Variants in BCLAF1 observed in about 807,000 individuals in gnomAD.
BCLAF1 encodes the protein bcl-2-associated transcription factor 1.
BCLAF1 carries 10 observed loss-of-function variants against 99.5 expected under a neutral mutation model. The ratio of observed to expected loss-of-function variants is 0.10; its 90% CI spans 0.06 to 0.17. BCLAF1 has a LOEUF of 0.17. Among genes scored for constraint, BCLAF1 ranks in the 10% least tolerant of loss-of-function variants. BCLAF1 has a pLI of 1.00. For synonymous variants in BCLAF1, 255 were observed against 370.9 expected, an observed-to-expected ratio of 0.69 and a Z score of 3.59; for missense variants, 636 against 1,105.8, an observed-to-expected ratio of 0.58 and a Z score of 6.02.
At chr6:136,265,840 T>C (rs1301759092) in intron 11 of BCLAF1, among the ~76,000 whole-genome samples, 1 of 152,188 alleles carries the variant, frequency 6.6e-6, no homozygotes, top group East Asian at 1.9e-4. Flanking sequence ...AGTCTCTAAG[T>C]CAAAAATTAG....
At chr6:136,268,572 T>A in intron 9 of BCLAF1, 1 of 425,880 alleles carries the variant, frequency 2.3e-6, no homozygotes, top group Non-Finnish European at 4.2e-6. Context: ...AAAATAGTAG[T>A]CTGTAAAGGT....
At chr6:136,264,380 T>G (rs890522159) in intron 11 of BCLAF1, among the ~76,000 whole-genome samples, 1 of 151,654 alleles carries the variant, frequency 6.6e-6, no homozygotes, top group Non-Finnish European at 1.5e-5. Flanking sequence ...CTAATTTTCG[T>G]TTTTTTTGTA....
chr6:136,277,924 G>A lies in BCLAF1; in HGVS notation c.957C>T (p.Ser319=), dbSNP rs1783667132. 12 of 1,569,150 alleles carry A rather than the reference G, an allele frequency of 7.6e-6. No individual in the cohort carries two copies. In the Admixed American group the frequency reaches 1.2e-4, roughly 16 times the overall value. ...GATCTCCACCATCAGGATAAAACGA[G>A]GAACGGCCCCTAGACTCATCTCTTG... ...NAPRDESRGR[S]SFYPDGGDQE... is the part of the protein sequence containing the mutation. Residue 319 remains serine (S), a synonymous_variant, in exon 4 of 13, where the codon TCC becomes TCT. Coordinates refer to ENST00000531224, the MANE Select transcript of BCLAF1 (RefSeq NM_014739.3).
intron 11 of BCLAF1, among the ~76,000 whole-genome samples, chr6:136,263,190 A>G (rs1345336442): frequency 6.6e-6 from 1 of 152,214 alleles, no homozygotes; most frequent in Non-Finnish European, 1.5e-5. Context: ...TAACTTGCCC[A>G]AGGTCACAGA....
chr6:136,279,735 T>C, intron 3 of BCLAF1, 28 bp downstream of exon 3: 1 of 1,511,148 alleles, frequency 6.6e-7, no homozygotes, highest in Non-Finnish European at 8.8e-7. Flanking sequence ...ATATAATTAT[T>C]TTAAAAATTT....
intron 11 of BCLAF1, among the ~76,000 whole-genome samples, chr6:136,262,249 A>G (rs7771295): frequency 0.017 from 2,572 of 152,284 alleles, 70 homozygotes; most frequent in African/African-American, 0.057. Context: ...TTATATTCAT[A>G]CAAAAGGCCA....
chr6:136,278,261 G>A lies in BCLAF1; in HGVS notation c.620C>T (p.Ala207Val), dbSNP rs1417252597. The change falls in exon 4 of 13, where the codon GCC becomes GTC. Residue 207 changes from alanine to valine, a missense_variant. Ala to Val is a moderately conservative substitution (Grantham distance 64). Around this residue, in one of 9 missense-constraint regions of BCLAF1, gnomAD observed 65 missense variants for 90.9 expected, o/e 0.71. Coordinates refer to ENST00000531224, the MANE Select transcript of BCLAF1 (RefSeq NM_014739.3). ...GCCAGGCCAAATATCACCGGATGTG[G>A]CTGATGACTTATTAAATTCATCGAT... ...ESIDEFNKSS[A>V]TSGDIWPGLS... is the part of the protein sequence containing the mutation. The A allele has an allele frequency of 6.2e-6, 10 of 1,614,042 alleles. No individual in the cohort carries two copies. Among genetic ancestry groups the A allele is most frequent in the Non-Finnish European group, 8.5e-7 (1 of 1,180,028 alleles).
intron 1 of BCLAF1, among the ~76,000 whole-genome samples, chr6:136,284,287 T>C (rs1396871512): frequency 6.6e-6 from 1 of 151,814 alleles, no homozygotes; most frequent in Non-Finnish European, 1.5e-5. Context: ...TGGATATACA[T>C]TCCTGTTCAC....
chr6:136,261,186 G>A (rs1780925760), intron 12 of BCLAF1, 71 bp from the exon 13 acceptor site: 1 of 1,562,334 alleles, frequency 6.4e-7, no homozygotes, highest in South Asian at 1.2e-5. Flanking sequence ...ATTAATAATT[G>A]TTCCTAAAAA....
intron 6 of BCLAF1, 53 bp from the exon 7 acceptor site, chr6:136,273,240 ATTTG>A (rs1782793804): frequency 2.0e-6 from 3 of 1,504,158 alleles, no homozygotes; most frequent in Middle Eastern, 1.7e-4. Flanking sequence ...TTTAAGAGAG[ATTTG>A]TTTGTGACAG....
In BCLAF1 at chr6:136,282,317, T is replaced by A. The variant is rs372497862; in HGVS notation, c.-11+267A>T. Among the ~76,000 whole-genome samples, 4 of 152,188 alleles carry A rather than the reference T, an allele frequency of 2.6e-5. No homozygotes were observed. The East Asian group carries it at 5.8e-4, about 22-fold the overall frequency. The stretch of plus-strand genomic sequence containing the variant: ...AGGGAAATGGGTTAAGTAGCAGTCT[T>A]TCTATCTTGTATGTCCTGAGTCTTT... On this transcript the variant is annotated intron_variant, in intron 2 of 12. Coordinates refer to ENST00000531224, the MANE Select transcript of BCLAF1 (RefSeq NM_014739.3).
rs982315846 is a variant in BCLAF1, at chr6:136,279,749, G to A, written c.104+14C>T. On this transcript the variant is annotated intron_variant, in intron 3 of 12. Transcript: ENST00000531224. ...GATATAATTATTTTAAAAATTTAAA[G>A]CACATTAAATCACCTGTATCGCTTC... The A allele has an allele frequency of 2.0e-6, 3 of 1,537,110 alleles. No individual in the cohort carries two copies. The Admixed American group carries it at 5.9e-5, about 30-fold the overall frequency.
intron 6 of BCLAF1, among the ~76,000 whole-genome samples, chr6:136,273,781 G>A (rs1038048316): frequency 1.3e-5 from 2 of 151,942 alleles, no homozygotes; most frequent in Non-Finnish European, 2.9e-5. Flanking sequence ...TGATATTGCT[G>A]TTTTGTCTCT....
At position 136,278,161 on chromosome 6, in the gene BCLAF1, T is replaced by C. The variant is rs779561292; in HGVS notation, c.720A>G (p.Ser240=). ...SPIATPPSQS[S]SCSDAPMLST... is the part of the protein sequence containing the mutation. ...TGAGCATGGGAGCATCAGAGCAAGA[T>C]GAACTCTGACTAGGTGGTGTAGCAA... is the stretch of plus-strand genomic sequence containing the variant. Residue 240 remains serine, a synonymous_variant, in exon 4 of 13, where the codon TCA becomes TCG. Coordinates refer to ENST00000531224, the MANE Select transcript of BCLAF1 (RefSeq NM_014739.3). 2.7e-5 allele frequency: 44 copies of C among 1,612,202 alleles called. No individual in the cohort carries two copies. The highest frequency in any genetic ancestry group is 6.7e-5 in the Admixed American group (4 of 59,736).
At chr6:136,264,985 CTTG>C (rs1329739620) in intron 11 of BCLAF1, among the ~76,000 whole-genome samples, 2 of 152,184 alleles carry the variant, frequency 1.3e-5, no homozygotes, top group Admixed American at 1.3e-4. Context: ...TGAGTATGTA[CTTG>C]TTAAGGGTTA....
At chr6:136,289,297 A>T (rs1477026980) in intron 1 of BCLAF1, among the ~76,000 whole-genome samples, 2 of 152,212 alleles carry the variant, frequency 1.3e-5, no homozygotes, top group African/African-American at 4.8e-5. Context: ...CACAAGTTGC[A>T]CCTCCAGCGG....
At chr6:136,267,469 T>C (rs2128470722) in intron 10 of BCLAF1, among the ~76,000 whole-genome samples, 1 of 152,060 alleles carries the variant, frequency 6.6e-6, no homozygotes. Context: ...TAGTCAAAAG[T>C]TGTCTAATTT....
Position 136,259,748 on chromosome 6 carries a change from CAA to C in BCLAF1, c.*1360_*1361del, listed in dbSNP as rs1186920427. 6.6e-6 allele frequency: 1 copy of C among 151,980 alleles called. No homozygotes were observed. The highest frequency in any genetic ancestry group is 1.9e-4 in the East Asian group (1 of 5,196). The allele number at this position is 151,980 out of a possible 1,614,324, so 9.4% of individuals were successfully genotyped here. On this transcript the variant is annotated 3_prime_UTR_variant, in exon 13 of 13. Coordinates refer to ENST00000531224, the MANE Select transcript of BCLAF1 (RefSeq NM_014739.3). ...GAAAGAGCAATACACTTAAGATCTTCAAAAGTTTACATTAACAGAATAAGCAT... is the reference window on the plus strand; with the variant it reads ...GAAAGAGCAATACACTTAAGATCTTCAAGTTTACATTAACAGAATAAGCAT...
At chr6:136,289,268 C>G (rs1007644111) in intron 1 of BCLAF1, among the ~76,000 whole-genome samples, 2 of 152,230 alleles carry the variant, frequency 1.3e-5, no homozygotes, top group African/African-American at 2.4e-5. Flanking sequence ...GGTGGCAGTC[C>G]CAGCCAATGA....
Sources: gnomAD v4.1 joint callset for allele counts (sites outside exome capture counted in the v4.1 genomes callset) on GRCh38, gnomAD v4.1.1 for gene constraint, gnomAD v4.1.1 regional missense constraint, MANE v1.5 for transcripts, NCBI Gene and HGNC (gene_info 2026-07-23, HGNC 2026-07-21) for gene names.